The following ALDH1L1 variants were observed in gnomAD, a reference collection of about 807,000 sequenced individuals.
ALDH1L1 encodes aldehyde dehydrogenase 1 family member L1.
Under a neutral mutation model 101.1 loss-of-function variants are expected in ALDH1L1, and 68 were observed. The observed-to-expected ratio is 0.67, with a 90% confidence interval of 0.55 to 0.82. The LOEUF (loss-of-function observed/expected upper bound fraction) is 0.82. Ranked by LOEUF, ALDH1L1 falls within the 40% of genes least tolerant of loss-of-function variation. ALDH1L1 has a pLI of 0.00. For synonymous variants in ALDH1L1, 486 were observed against 470.8 expected, an observed-to-expected ratio of 1.03 and a Z score of -0.42; for missense variants, 1,087 against 1,172.7, an observed-to-expected ratio of 0.93 and a Z score of 1.07.
At chr3:126,119,855 T>C (rs1445712136) in intron 16 of ALDH1L1, among the ~76,000 whole-genome samples, 1 of 152,130 alleles carries the variant, frequency 6.6e-6, no homozygotes, top group Non-Finnish European at 1.5e-5. Flanking sequence ...GACAGACAGA[T>C]GGCAAGTAAG....
intron 1 of ALDH1L1, among the ~76,000 whole-genome samples, chr3:126,192,529 G>C (rs968881725): frequency 6.6e-6 from 1 of 152,180 alleles, no homozygotes; most frequent in South Asian, 2.1e-4. Context: ...AACAGATCTC[G>C]TTCAGGAGGT....
At chr3:126,196,969 T>C (rs2081585006) in intron 1 of ALDH1L1, among the ~76,000 whole-genome samples, 1 of 149,388 alleles carries the variant, frequency 6.7e-6, no homozygotes, top group African/African-American at 2.5e-5. Flanking sequence ...CTCAAGATAA[T>C]TTTTAGAGTT....
At chr3:126,134,932 G>A (rs549064399) in intron 12 of ALDH1L1, 7 of 152,608 alleles carry the variant, frequency 4.6e-5, no homozygotes, top group Non-Finnish European at 7.3e-5. Flanking sequence ...GGTTCCAGGG[G>A]CACAGCACCT....
At chr3:126,159,276 C>G in intron 2 of ALDH1L1, 1 of 383,604 alleles carries the variant, frequency 2.6e-6, no homozygotes, top group Middle Eastern at 5.1e-4. Context: ...GCCTGCAGGG[C>G]CCCTCCTCCT....
chr3:126,176,593 A>C (rs1040855381), intron 1 of ALDH1L1, among the ~76,000 whole-genome samples: 1 of 152,238 alleles, frequency 6.6e-6, no homozygotes, highest in Non-Finnish European at 1.5e-5. Context: ...TCTGCATTGC[A>C]CAAAAATCAC....
At chr3:126,171,856 C>G (rs752035656) in intron 1 of ALDH1L1, among the ~76,000 whole-genome samples, 8 of 152,226 alleles carry the variant, frequency 5.3e-5, no homozygotes, top group Middle Eastern at 3.4e-3. Flanking sequence ...AACACTAAGA[C>G]CTAATTGTAG....
At chr3:126,149,882 G>A (rs1427373588) in intron 8 of ALDH1L1, among the ~76,000 whole-genome samples, 1 of 152,204 alleles carries the variant, frequency 6.6e-6, no homozygotes, top group African/African-American at 2.4e-5. Flanking sequence ...GAGCATGAAG[G>A]GTCAGGAACA....
At chr3:126,114,872 C>G in intron 17 of ALDH1L1, 1 of 608,420 alleles carries the variant, frequency 1.6e-6, no homozygotes, top group Non-Finnish European at 3.1e-6. Flanking sequence ...TGCCCCACTG[C>G]CCCCTGGACT....
intron 5 of ALDH1L1, 98 bp from the exon 6 acceptor site, chr3:126,154,741 T>C: frequency 8.9e-7 from 1 of 1,121,414 alleles, no homozygotes. Context: ...GTGAGACAGC[T>C]GGTAACCCCA....
chr3:126,144,094 T>A (rs1377326749), intron 9 of ALDH1L1, among the ~76,000 whole-genome samples: 3 of 151,906 alleles, frequency 2.0e-5, no homozygotes, highest in Non-Finnish European at 4.4e-5. Context: ...AAAAAGGAAA[T>A]TAATAAAACA....
chr3:126,147,458 T>C (rs553073413), intron 8 of ALDH1L1, among the ~76,000 whole-genome samples: 2 of 152,354 alleles, frequency 1.3e-5, no homozygotes, highest in East Asian at 3.9e-4. Context: ...AACTGGTCTG[T>C]GTCCTCTGAA....
At chr3:126,152,956 A>G (rs2080834764) in intron 7 of ALDH1L1, 1 of 248,130 alleles carries the variant, frequency 4.0e-6, no homozygotes, top group African/African-American at 2.2e-5. Flanking sequence ...TGGTACCGTG[A>G]GTTGTAGTCT....
intron 1 of ALDH1L1, among the ~76,000 whole-genome samples, chr3:126,179,410 G>A (rs1357693678): frequency 1.3e-5 from 2 of 152,242 alleles, no homozygotes; most frequent in African/African-American, 4.8e-5. Context: ...TGAGGCGGGA[G>A]AATCACTTGA....
intron 16 of ALDH1L1, among the ~76,000 whole-genome samples, chr3:126,119,232 C>T (rs1452459449): frequency 1.3e-5 from 2 of 152,224 alleles, no homozygotes; most frequent in African/African-American, 4.8e-5. Context: ...CCAACCAAAT[C>T]GGCCTCTCCA....
At chr3:126,146,994 CA>C (rs1234745837) in intron 8 of ALDH1L1, 68 bp from the exon 9 acceptor site, 1 of 1,478,126 alleles carries the variant, frequency 6.8e-7, no homozygotes, top group Non-Finnish European at 9.3e-7. Flanking sequence ...TCCAGGACAA[CA>C]ACCCCTGAAC....
intron 1 of ALDH1L1, among the ~76,000 whole-genome samples, chr3:126,191,262 G>A (rs1465081540): frequency 6.6e-6 from 1 of 152,220 alleles, no homozygotes; most frequent in African/African-American, 2.4e-5. Context: ...TCCACAACAT[G>A]TGGGGCTTGC....
At position 126,157,332 on chromosome 3, in the gene ALDH1L1, C is replaced by T. The variant is rs776170606; in HGVS notation, c.528+11G>A. On this transcript the variant is annotated intron_variant, in intron 4 of 22. Coordinates refer to ENST00000393434, the MANE Select transcript of ALDH1L1 (RefSeq NM_012190.4). ...GGGGCGGGCAGGGCGCGGCCGGCTCCAGGTCCTCACCATCCCTTTGATGCC... is the reference window on the plus strand; with the variant it reads ...GGGGCGGGCAGGGCGCGGCCGGCTCTAGGTCCTCACCATCCCTTTGATGCC... 1 of 1,604,698 alleles carries T rather than the reference C, an allele frequency of 6.2e-7. No homozygotes were observed. The highest frequency in any genetic ancestry group is 2.2e-5 in the East Asian group (1 of 44,534).
chr3:126,114,700 G>C (rs765032771), intron 17 of ALDH1L1, 44 bp from the exon 18 acceptor site: 1 of 1,561,034 alleles, frequency 6.4e-7, no homozygotes, highest in Admixed American at 1.7e-5. Flanking sequence ...CTCCAGGGCA[G>C]GTAGGGGCAT....
rs768110962 is a variant in ALDH1L1 at position 126,160,985 on chromosome 3, C to T, written c.-6G>A. ...CCAATCACTGCAATCTTCATGGTAG[C>T]AGGAGGGTTGGAAGGACCTGGAGAA... On this transcript the variant is annotated 5_prime_UTR_variant, in exon 2 of 23. Transcript: ENST00000393434. 9.3e-6 allele frequency: 15 copies of T among 1,614,040 alleles called. No homozygotes were observed. Among genetic ancestry groups the T allele is most frequent in the Admixed American group, 1.7e-5 (1 of 60,002 alleles).
Sources: gnomAD v4.1 joint callset for allele counts (sites outside exome capture counted in the v4.1 genomes callset) on GRCh38, gnomAD v4.1.1 for gene constraint, MANE v1.5 for transcripts, NCBI Gene and HGNC (gene_info 2026-07-23, HGNC 2026-07-21) for gene names.